The following TRIM49 variants were observed in gnomAD, a reference collection of about 807,000 sequenced individuals.
The protein encoded by TRIM49 is tripartite motif containing 49, also known as tripartite motif-containing protein 49.
A neutral mutation model predicts 27.4 loss-of-function variants in TRIM49; 5 were observed. That is an observed-to-expected ratio of 0.18 (90% CI 0.10 to 0.38). The LOEUF (loss-of-function observed/expected upper bound fraction) is 0.38. Among genes scored for constraint, TRIM49 ranks in the 10% least tolerant of loss-of-function variants. The pLI is 1.00. For missense variants in TRIM49, 188 were observed against 487.5 expected, an observed-to-expected ratio of 0.39 and a Z score of 5.79; for synonymous variants, 69 against 166.0, an observed-to-expected ratio of 0.42 and a Z score of 4.49.
downstream of TRIM49, among the ~76,000 whole-genome samples, chr11:89,793,756 G>A (rs1414919239): frequency 6.6e-6 from 1 of 151,930 alleles, no homozygotes; most frequent in Non-Finnish European, 1.5e-5. Flanking sequence ...AGCTATTTAT[G>A]ACAATCCCAC....
chr11:89,797,092 CA>C (rs1338121484), downstream of TRIM49, among the ~76,000 whole-genome samples: 8 of 152,016 alleles, frequency 5.3e-5, no homozygotes, highest in Non-Finnish European at 8.8e-5. Context: ...GCCTGTGGTA[CA>C]ACTGGTGGAT....
the TRIM49 span, among the ~76,000 whole-genome samples, chr11:89,773,784 C>A: frequency 7.6e-6 from 1 of 131,744 alleles, no homozygotes; most frequent in Non-Finnish European, 1.5e-5. Flanking sequence ...AGTAAAAATA[C>A]AAACTTAGCT....
At chr11:89,768,916 C>T in the TRIM49 span, 4 of 475,184 alleles carry the variant, frequency 8.4e-6, no homozygotes, top group Admixed American at 2.1e-5. Flanking sequence ...AGGTGGCTCA[C>T]ACCTGTAATC....
At chr11:89,770,703 CAA>C in the TRIM49 span, among the ~76,000 whole-genome samples, 1 of 116,686 alleles carries the variant, frequency 8.6e-6, no homozygotes. Context: ...ACTAATAATA[CAA>C]AAAAAAAAAA....
downstream of TRIM49, among the ~76,000 whole-genome samples, chr11:89,796,128 C>A (rs1949687401): frequency 6.6e-6 from 1 of 151,946 alleles, no homozygotes; most frequent in African/African-American, 2.4e-5. Context: ...CTGGTCTAAG[C>A]AAACATGTAG....
the TRIM49 span, among the ~76,000 whole-genome samples, chr11:89,782,579 C>G: frequency 6.9e-6 from 1 of 145,646 alleles, no homozygotes; most frequent in East Asian, 2.1e-4. Context: ...GGAATCTTTA[C>G]TAGAACATCA....
chr11:89,805,153 T>A (rs1338955189), intron 2 of TRIM49, among the ~76,000 whole-genome samples: 15 of 151,668 alleles, frequency 9.9e-5, no homozygotes, highest in Admixed American at 9.8e-4. Flanking sequence ...GAAAAATTAT[T>A]AAAGATATTG....
chr11:89,791,150 T>C, the TRIM49 span, among the ~76,000 whole-genome samples: 2 of 151,214 alleles, frequency 1.3e-5, 1 homozygote, highest in South Asian at 4.2e-4. Flanking sequence ...GTATCAGTGA[T>C]TGAAGAACAA....
the TRIM49 span, chr11:89,787,876 G>A: frequency 4.7e-5 from 20 of 423,856 alleles, 1 homozygote; most frequent in Middle Eastern, 2.0e-3. Context: ...TTTGAGGGCA[G>A]GGCAAGGCCG....
At chr11:89,784,074 A>C in the TRIM49 span, among the ~76,000 whole-genome samples, 1 of 128,276 alleles carries the variant, frequency 7.8e-6, no homozygotes, top group Non-Finnish European at 1.5e-5. Flanking sequence ...CCAAGTTGTA[A>C]GATATATCTG....
chr11:89,768,267 G>A, the TRIM49 span: 2 of 1,502,132 alleles, frequency 1.3e-6, no homozygotes, highest in Admixed American at 1.7e-5. Flanking sequence ...TGGGGCATGT[G>A]CAGCAGCACG....
downstream of TRIM49, among the ~76,000 whole-genome samples, chr11:89,797,492 T>G (rs1459842065): frequency 6.8e-6 from 1 of 146,322 alleles, no homozygotes; most frequent in Admixed American, 7.0e-5. Flanking sequence ...TGTTTTGAGG[T>G]AGGAGTCAAT....
the TRIM49 span, chr11:89,777,071 G>T: frequency 6.5e-7 from 1 of 1,549,948 alleles, no homozygotes; most frequent in Non-Finnish European, 8.7e-7. Flanking sequence ...ATTGACTGTG[G>T]GCACAGCTTT....
the TRIM49 span, among the ~76,000 whole-genome samples, chr11:89,775,112 C>T: frequency 3.0e-4 from 35 of 115,382 alleles, 15 homozygotes; most frequent in African/African-American, 1.7e-3. Context: ...GGCATGATGG[C>T]TTATGTTTGC....
At chr11:89,806,021 G>A (rs1304943244) in intron 2 of TRIM49, among the ~76,000 whole-genome samples, 15 of 150,868 alleles carry the variant, frequency 9.9e-5, no homozygotes, top group South Asian at 2.1e-4. Context: ...TGCCCAGCCC[G>A]GCGGTTTCAT....
chr11:89,790,633 A>C, the TRIM49 span, among the ~76,000 whole-genome samples: 1 of 151,938 alleles, frequency 6.6e-6, no homozygotes, highest in African/African-American at 2.4e-5. Flanking sequence ...ATACCCAGGC[A>C]AACAGTGTCT....
downstream of TRIM49, among the ~76,000 whole-genome samples, chr11:89,797,001 C>A (rs1949694738): frequency 6.6e-6 from 1 of 151,948 alleles, no homozygotes; most frequent in East Asian, 1.9e-4. Context: ...TCTCTCCAGC[C>A]ATGAATAAAT....
the TRIM49 span, among the ~76,000 whole-genome samples, chr11:89,790,911 C>T: frequency 6.6e-6 from 1 of 152,126 alleles, no homozygotes; most frequent in African/African-American, 2.4e-5. Context: ...ATGATTTTGA[C>T]AAGTTGAGAG....
chr11:89,794,475 T>C (rs1247732350), downstream of TRIM49, among the ~76,000 whole-genome samples: 1 of 151,418 alleles, frequency 6.6e-6, no homozygotes, highest in East Asian at 2.0e-4. Flanking sequence ...TCACACTACT[T>C]GACTTCAAAC....
Sources: allele counts gnomAD v4.1 joint callset (sites outside exome capture counted in the v4.1 genomes callset), GRCh38; gene constraint gnomAD v4.1.1; transcripts MANE v1.5; gene names NCBI Gene and HGNC (gene_info 2026-07-23, HGNC 2026-07-21).